The following GNAI1 variants were observed in gnomAD, a reference collection of about 807,000 sequenced individuals.
The protein encoded by GNAI1 is G protein subunit alpha i1.
In GNAI1, 11 loss-of-function variants were observed where a neutral mutation model predicts 38.9. That is an observed-to-expected ratio of 0.28 (90% confidence interval 0.18 to 0.47). The LOEUF (loss-of-function observed/expected upper bound fraction) is 0.47. Ranked by LOEUF, GNAI1 falls within the 20% of genes least tolerant of loss-of-function variation. The probability of loss-of-function intolerance (pLI) is 0.99; values close to 1 mark genes in which losing one functional copy is unlikely to be tolerated. For missense variants in GNAI1, 317 were observed against 436.9 expected (o/e 0.73, Z 2.45); for synonymous variants, 166 against 145.1 (o/e 1.14, Z -1.04).
At chr7:80,176,262 T>G (rs1788180378) in intron 1 of GNAI1, among the ~76,000 whole-genome samples, 1 of 152,206 alleles carries the variant, frequency 6.6e-6, no homozygotes, top group Non-Finnish European at 1.5e-5. Context: ...GCCCTACCTC[T>G]TCCGTTCCGT....
chr7:80,146,462 A>T (rs1391886851), intron 1 of GNAI1, among the ~76,000 whole-genome samples: 2 of 152,170 alleles, frequency 1.3e-5, no homozygotes, highest in Non-Finnish European at 2.9e-5. Flanking sequence ...CTCTGAAGTT[A>T]GGTTTTTGTG....
At position 80,174,620 on chromosome 7, in the gene GNAI1, TTTTTA is replaced by T. The variant is rs148147280; in HGVS notation, c.119-14319_119-14315del. 3.3e-3 allele frequency among the ~76,000 whole-genome samples: 506 copies of T among 152,170 alleles called. 5 individuals are homozygous for T. Among genetic ancestry groups the T allele is most frequent in the African/African-American group, 0.011 (473 of 41,560 alleles). ...TTTTTCTTCAAGTAGGTTTTGGGGC[TTTTTA>T]TTTTATTTTATGTGTTATGTTTACA... On this transcript the variant is annotated intron_variant, in intron 1 of 7. Coordinates refer to ENST00000649796, the MANE Select transcript of GNAI1 (RefSeq NM_002069.6).
intron 1 of GNAI1, among the ~76,000 whole-genome samples, chr7:80,147,862 T>G (rs556425017): frequency 6.6e-6 from 1 of 152,216 alleles, no homozygotes; most frequent in Admixed American, 6.5e-5. Flanking sequence ...CTGGTTCTTA[T>G]GAAACGTGTA....
chr7:80,172,788 T>C (rs977481902), intron 1 of GNAI1, among the ~76,000 whole-genome samples: 5 of 152,228 alleles, frequency 3.3e-5, no homozygotes, highest in African/African-American at 1.2e-4. Context: ...GGCATTCACC[T>C]TAGTTTTCAC....
At chr7:80,210,210 A>G (rs1020578155) in intron 5 of GNAI1, among the ~76,000 whole-genome samples, 2 of 151,542 alleles carry the variant, frequency 1.3e-5, no homozygotes, top group South Asian at 2.1e-4. Context: ...GTCTTATAAG[A>G]GAAAAGGAAT....
intron 1 of GNAI1, among the ~76,000 whole-genome samples, chr7:80,155,912 C>A (rs114793275): frequency 6.6e-6 from 1 of 151,604 alleles, no homozygotes; most frequent in South Asian, 2.1e-4. Context: ...AAATATTAGG[C>A]GTGGTGGCGT....
chr7:80,139,737 C>T (rs1265456611), intron 1 of GNAI1, among the ~76,000 whole-genome samples: 3 of 152,034 alleles, frequency 2.0e-5, no homozygotes, highest in African/African-American at 7.2e-5. Flanking sequence ...TATGTGATGA[C>T]CACAGTGAAC....
At chr7:80,215,763 A>C (rs1044623057) in intron 7 of GNAI1, among the ~76,000 whole-genome samples, 5 of 151,808 alleles carry the variant, frequency 3.3e-5, no homozygotes, top group African/African-American at 1.2e-4. Context: ...AGGAGGAAAA[A>C]GTTTTTAAGT....
At chr7:80,212,990 G>A (rs868252639) in intron 7 of GNAI1, 121 bp downstream of exon 7, 3 of 644,382 alleles carry the variant, frequency 4.7e-6, no homozygotes, top group South Asian at 2.5e-5. Flanking sequence ...GACCTTTAAG[G>A]GGTATTATTT....
intron 1 of GNAI1, chr7:80,135,656 C>CCCA (rs1554345582): frequency 6.1e-6 from 1 of 164,756 alleles, no homozygotes. Context: ...ACACCCCCCC[C>CCCA]CCCGCGCCAC....
chr7:80,158,688 C>T (rs1787862094), intron 1 of GNAI1, among the ~76,000 whole-genome samples: 1 of 152,186 alleles, frequency 6.6e-6, no homozygotes, highest in Non-Finnish European at 1.5e-5. Flanking sequence ...ATAAGTTACC[C>T]AGTCTCAGGT....
In GNAI1 at chr7:80,221,445, C is replaced by A. The variant is rs966984369; in HGVS notation, c.*3952C>A. 2.0e-5 allele frequency among the ~76,000 whole-genome samples: 3 copies of A among 151,920 alleles called. No individual in the cohort carries two copies. Among genetic ancestry groups the A allele is most frequent in the African/African-American group, 7.3e-5 (3 of 41,362 alleles). Reference sequence around the variant, plus strand: ...AGTGCTTAACAAATGGTTGTTGATACGTGCTTTGAATGAAATGCCTCAAAA... The same window carrying A: ...AGTGCTTAACAAATGGTTGTTGATAAGTGCTTTGAATGAAATGCCTCAAAA... On this transcript the variant is annotated 3_prime_UTR_variant, in exon 8 of 8. Transcript: ENST00000649796.
intron 1 of GNAI1, among the ~76,000 whole-genome samples, chr7:80,177,260 C>T (rs934033030): frequency 6.6e-6 from 1 of 151,778 alleles, no homozygotes; most frequent in South Asian, 2.1e-4. Flanking sequence ...TTGATCTCCT[C>T]ACCTTGTGAT....
rs1562847295 is a variant in GNAI1 at position 80,218,545 on chromosome 7, G to T, written c.*1052G>T. On this transcript the variant is annotated 3_prime_UTR_variant, in exon 8 of 8. Transcript: ENST00000649796. ...TACCTAGCATACATGATAGCTCCTT[G>T]TTGGGAAGATAACAAGAAGGATCTT... 6.6e-6 allele frequency: 1 copy of T among 152,006 alleles called. No homozygotes were observed. Among genetic ancestry groups the T allele is most frequent in the Admixed American group, 6.6e-5 (1 of 15,252 alleles). 9.4% of individuals were successfully genotyped at this position (152,006 alleles called of 1,614,324 possible).
At chr7:80,148,951 C>T (rs1221344395) in intron 1 of GNAI1, among the ~76,000 whole-genome samples, 2 of 151,976 alleles carry the variant, frequency 1.3e-5, no homozygotes, top group African/African-American at 4.8e-5. Flanking sequence ...AATGTAGTCT[C>T]AATAGTCTTA....
chr7:80,136,004 G>C, intron 1 of GNAI1: 1 of 985,380 alleles, frequency 1.0e-6, no homozygotes, highest in Non-Finnish European at 1.2e-6. Flanking sequence ...GTGAAAGAGC[G>C]AGAGGGTCAC....
intron 1 of GNAI1, among the ~76,000 whole-genome samples, chr7:80,180,997 G>A (rs531221040): frequency 2.0e-5 from 3 of 151,920 alleles, no homozygotes; most frequent in South Asian, 4.2e-4. Flanking sequence ...TTTCAGTGCT[G>A]TAATCTTTCT....
chr7:80,183,659 G>C (rs76360978), intron 1 of GNAI1, among the ~76,000 whole-genome samples: 3,961 of 151,844 alleles, frequency 0.026, 174 homozygotes, highest in African/African-American at 0.091. Context: ...AAAGATACTT[G>C]TTTTCTGAGG....
In GNAI1 at chr7:80,219,998, TA is replaced by T. The variant is rs1442915380; in HGVS notation, c.*2508del. Among the ~76,000 whole-genome samples, 1 of 152,208 alleles carries T rather than the reference TA, an allele frequency of 6.6e-6. No homozygotes were observed. Among genetic ancestry groups the T allele is most frequent in the East Asian group, 1.9e-4 (1 of 5,198 alleles). ...TTCCTCTTAAAATGGCATTATTAGT[TA>T]AATTCCCCACCTCCCATTTCTCTCT... On this transcript the variant is annotated 3_prime_UTR_variant, in exon 8 of 8. Transcript: ENST00000649796.
Sources: allele counts gnomAD v4.1 joint callset (sites outside exome capture counted in the v4.1 genomes callset), GRCh38; gene constraint gnomAD v4.1.1; transcripts MANE v1.5; gene names NCBI Gene and HGNC (gene_info 2026-07-23, HGNC 2026-07-21).